The following RORA variants were observed in gnomAD, a reference collection of about 807,000 sequenced individuals.
RORA encodes nuclear receptor ROR-alpha.
RORA carries 7 observed loss-of-function variants against 69.5 expected under a neutral mutation model. The ratio of observed to expected loss-of-function variants is 0.10; its 90% CI spans 0.06 to 0.19. The LOEUF (loss-of-function observed/expected upper bound fraction) is 0.19. Ranked by LOEUF, RORA falls within the 10% of genes least tolerant of loss-of-function variation. RORA has a pLI of 1.00. For missense variants in RORA, 457 were observed against 663.0 expected, an observed-to-expected ratio of 0.69 and a Z score of 3.41; for synonymous variants, 261 against 240.8, an observed-to-expected ratio of 1.08 and a Z score of -0.78.
rs1396026435 is a variant in RORA at position 60,592,689 on chromosome 15, C to T, written c.197-60838G>A. ...CGCGCCCCAGCGCCGCGCCCCGCCC[C>T]GCCCCCGCGGGCAGGTGAGTAGCAG... On this transcript the variant is annotated intron_variant, in intron 2 of 10. Coordinates refer to ENST00000335670, the MANE Select transcript of RORA (RefSeq NM_134261.3). 47 of 1,050,456 alleles carry T rather than the reference C, an allele frequency of 4.5e-5. No individual in the cohort carries two copies. The Admixed American group carries it at 1.0e-3, about 22-fold the overall frequency. 65.1% of individuals were successfully genotyped at this position (1,050,456 alleles called of 1,614,324 possible).
intron 2 of RORA, among the ~76,000 whole-genome samples, chr15:60,571,999 T>C (rs1404575275): frequency 1.3e-5 from 2 of 152,104 alleles, no homozygotes; most frequent in Admixed American, 6.5e-5. Flanking sequence ...GCAGAGCACA[T>C]AGGAGTAGCT....
intron 3 of RORA, among the ~76,000 whole-genome samples, chr15:60,518,482 T>TG (rs1413467367): frequency 1.3e-5 from 2 of 152,236 alleles, no homozygotes; most frequent in Non-Finnish European, 2.9e-5. Flanking sequence ...GGACTGCCCT[T>TG]GCAGGGCTGG....
At chr15:60,709,643 C>G (rs1414533673) in intron 1 of RORA, among the ~76,000 whole-genome samples, 1 of 151,434 alleles carries the variant, frequency 6.6e-6, no homozygotes, top group Non-Finnish European at 1.5e-5. Flanking sequence ...TCATGACAAT[C>G]TAATGCTTGA....
intron 1 of RORA, among the ~76,000 whole-genome samples, chr15:61,021,099 G>A (rs1895498682): frequency 6.6e-6 from 1 of 152,210 alleles, no homozygotes; most frequent in Admixed American, 6.5e-5. Context: ...GATGACAGTA[G>A]CAGCTGCGGC....
intron 4 of RORA, among the ~76,000 whole-genome samples, chr15:60,513,394 T>C (rs1361466738): frequency 6.6e-6 from 1 of 152,238 alleles, no homozygotes; most frequent in African/African-American, 2.4e-5. Context: ...TCAAGGGGCC[T>C]AATACCCACA....
chr15:60,617,338 A>G (rs144603461), intron 2 of RORA, among the ~76,000 whole-genome samples: 16 of 152,304 alleles, frequency 1.1e-4, no homozygotes, highest in African/African-American at 3.9e-4. Context: ...AAGAAATCAT[A>G]CCTGGTCCAT....
At chr15:60,884,376 TG>T (rs1287063921) in intron 1 of RORA, among the ~76,000 whole-genome samples, 3 of 151,508 alleles carry the variant, frequency 2.0e-5, no homozygotes, top group Non-Finnish European at 2.9e-5. Flanking sequence ...ACTGCAACCC[TG>T]AAAAATGTCA....
At chr15:60,896,356 G>T (rs1891231075) in intron 1 of RORA, among the ~76,000 whole-genome samples, 1 of 152,204 alleles carries the variant, frequency 6.6e-6, no homozygotes, top group Non-Finnish European at 1.5e-5. Flanking sequence ...CAGTCCATAT[G>T]CGAATAAGCA....
At chr15:61,014,443 G>C (rs749277949) in intron 1 of RORA, among the ~76,000 whole-genome samples, 2 of 152,194 alleles carry the variant, frequency 1.3e-5, no homozygotes, top group African/African-American at 4.8e-5. Context: ...TTAGGCATAA[G>C]TATCCTACCT....
intron 1 of RORA, among the ~76,000 whole-genome samples, chr15:60,688,386 C>A (rs2070777003): frequency 6.6e-6 from 1 of 151,870 alleles, no homozygotes; most frequent in African/African-American, 2.4e-5. Flanking sequence ...CTATAAAACA[C>A]CTGTACAAAT....
At chr15:60,639,152 C>A (rs1479541027) in intron 2 of RORA, among the ~76,000 whole-genome samples, 2 of 151,940 alleles carry the variant, frequency 1.3e-5, no homozygotes, top group Non-Finnish European at 2.9e-5. Context: ...TTTTTCACCA[C>A]CCCCCTCCTC....
At chr15:60,839,080 AGTAGAGACAGGGTTTCACC>A (rs1323874037) in intron 1 of RORA, among the ~76,000 whole-genome samples, 2 of 151,920 alleles carry the variant, frequency 1.3e-5, no homozygotes, top group Non-Finnish European at 2.9e-5. Flanking sequence ...GTATTTTTTT[AGTAGAGACAGGGTTTCACC>A]GTGTTAGCCA....
At chr15:60,798,576 G>C (rs1369652237) in intron 1 of RORA, among the ~76,000 whole-genome samples, 1 of 151,880 alleles carries the variant, frequency 6.6e-6, no homozygotes, top group Non-Finnish European at 1.5e-5. Flanking sequence ...AGAGTGGGAA[G>C]AACAGAGAGG....
intron 1 of RORA, among the ~76,000 whole-genome samples, chr15:60,963,939 C>T (rs1431265162): frequency 6.6e-6 from 1 of 152,208 alleles, no homozygotes; most frequent in East Asian, 1.9e-4. Context: ...TTATGTCTAA[C>T]TTAAGGGAAT....
chr15:61,037,948 T>C (rs1896544961), intron 1 of RORA, among the ~76,000 whole-genome samples: 1 of 152,296 alleles, frequency 6.6e-6, no homozygotes, highest in East Asian at 1.9e-4. Context: ...AATGACTTTA[T>C]CATTCATGGA....
intron 1 of RORA, among the ~76,000 whole-genome samples, chr15:61,078,784 T>TATCC (rs1463221104): frequency 1.8e-4 from 27 of 151,832 alleles, no homozygotes; most frequent in African/African-American, 5.6e-4. Context: ...TCTATCTATC[T>TATCC]ATCCATCCAC....
intron 1 of RORA, among the ~76,000 whole-genome samples, chr15:60,737,339 G>T (rs1208800312): frequency 6.6e-6 from 1 of 152,114 alleles, no homozygotes; most frequent in Non-Finnish European, 1.5e-5. Context: ...AATTCATTAC[G>T]TCCCCTAGTA....
chr15:60,818,588 C>T (rs1185781856), intron 1 of RORA, among the ~76,000 whole-genome samples: 3 of 152,092 alleles, frequency 2.0e-5, no homozygotes, highest in Non-Finnish European at 4.4e-5. Flanking sequence ...CTAGAGCCTT[C>T]AAAGGTCCCT....
intron 2 of RORA, among the ~76,000 whole-genome samples, chr15:60,661,590 T>C (rs1188023316): frequency 6.6e-6 from 1 of 152,212 alleles, no homozygotes; most frequent in African/African-American, 2.4e-5. Flanking sequence ...TTCTCCCATC[T>C]ATTAATTCTC....
Sources: gnomAD v4.1 joint callset for allele counts (sites outside exome capture counted in the v4.1 genomes callset) on GRCh38, gnomAD v4.1.1 for gene constraint, MANE v1.5 for transcripts, NCBI Gene and HGNC (gene_info 2026-07-23, HGNC 2026-07-21) for gene names.